ADGRL3: variants seen among roughly 807,000 people sequenced by gnomAD.
ADGRL3 encodes calcium-independent alpha-latrotoxin receptor 3.
A neutral mutation model predicts 153.5 loss-of-function variants in ADGRL3; 62 were observed. That is an observed-to-expected ratio of 0.40 (90% CI 0.33 to 0.50). ADGRL3 has a LOEUF of 0.50. Ranked by LOEUF, ADGRL3 falls within the 20% of genes least tolerant of loss-of-function variation. The pLI is 0.47. For synonymous variants in ADGRL3, 710 were observed against 672.5 expected (o/e 1.06, Z -0.86); for missense variants, 1,641 against 1,859.4 (o/e 0.88, Z 2.16).
chr4:61,914,162 A>G (rs1207335447), intron 13 of ADGRL3, among the ~76,000 whole-genome samples: 1 of 152,110 alleles, frequency 6.6e-6, no homozygotes, highest in Non-Finnish European at 1.5e-5. Flanking sequence ...TATACTGATC[A>G]CTTTGATTGG....
chr4:61,412,401 C>T (rs929160892), intron 2 of ADGRL3, among the ~76,000 whole-genome samples: 1 of 152,146 alleles, frequency 6.6e-6, no homozygotes, highest in South Asian at 2.1e-4. Flanking sequence ...ACACTCAATT[C>T]TTGGCCACAG....
At chr4:61,959,438 T>C (rs892412122) in intron 17 of ADGRL3, among the ~76,000 whole-genome samples, 1 of 152,164 alleles carries the variant, frequency 6.6e-6, no homozygotes. Flanking sequence ...TTTAGTTTGA[T>C]GATTGTATTT....
At chr4:61,836,999 T>C (rs1406603945) in intron 9 of ADGRL3, among the ~76,000 whole-genome samples, 1 of 152,110 alleles carries the variant, frequency 6.6e-6, no homozygotes, top group African/African-American at 2.4e-5. Flanking sequence ...ACATTGGTGT[T>C]TCATATAGGA....
chr4:61,253,166 G>T (rs1329874080), intron 1 of ADGRL3, among the ~76,000 whole-genome samples: 1 of 152,136 alleles, frequency 6.6e-6, no homozygotes, highest in Non-Finnish European at 1.5e-5. Context: ...TAGAAAATTG[G>T]TTGGAAGCTT....
intron 2 of ADGRL3, among the ~76,000 whole-genome samples, chr4:61,462,123 G>GCAT (rs1278836300): frequency 6.6e-6 from 1 of 152,066 alleles, no homozygotes; most frequent in Non-Finnish European, 1.5e-5. Flanking sequence ...TCCACTGAAT[G>GCAT]CATAAATGGA....
chr4:61,517,240 A>G, intron 3 of ADGRL3, 75 bp from the exon 4 acceptor site: 2 of 677,036 alleles, frequency 3.0e-6, no homozygotes, highest in Non-Finnish European at 5.4e-6. Context: ...CCTTGGGAAT[A>G]GCCTCTACCA....
At chr4:61,622,013 C>T (rs941759111) in intron 5 of ADGRL3, among the ~76,000 whole-genome samples, 2 of 152,104 alleles carry the variant, frequency 1.3e-5, no homozygotes, top group African/African-American at 4.8e-5. Flanking sequence ...AGCCTGCCTG[C>T]ATGTCGGTAG....
chr4:61,243,867 T>C (rs1400710177), intron 1 of ADGRL3, among the ~76,000 whole-genome samples: 2 of 152,176 alleles, frequency 1.3e-5, no homozygotes, highest in East Asian at 1.9e-4. Context: ...CATTGTGCAA[T>C]CTAATAAACC....
intron 8 of ADGRL3, among the ~76,000 whole-genome samples, chr4:61,738,838 C>T (rs531306145): frequency 2.0e-5 from 3 of 152,218 alleles, no homozygotes; most frequent in Non-Finnish European, 4.4e-5. Context: ...TTTCAATTGA[C>T]TTTTTAAACT....
intron 8 of ADGRL3, among the ~76,000 whole-genome samples, chr4:61,801,229 G>A (rs142190111): frequency 1.3e-5 from 2 of 152,230 alleles, no homozygotes; most frequent in South Asian, 2.1e-4. Flanking sequence ...AAACCATCAT[G>A]AAGGTGGAAG....
At chr4:61,832,291 G>A (rs1264423303) in intron 9 of ADGRL3, among the ~76,000 whole-genome samples, 1 of 152,158 alleles carries the variant, frequency 6.6e-6, no homozygotes, top group African/African-American at 2.4e-5. Context: ...GGACCTACAG[G>A]TTATGACTTA....
chr4:61,397,112 C>G (rs1481598077), intron 2 of ADGRL3, among the ~76,000 whole-genome samples: 1 of 151,696 alleles, frequency 6.6e-6, no homozygotes, highest in African/African-American at 2.4e-5. Flanking sequence ...AATATTTTAG[C>G]AAATATCATC....
chr4:61,977,006 G>A (rs1000905136), intron 17 of ADGRL3, among the ~76,000 whole-genome samples: 11 of 152,086 alleles, frequency 7.2e-5, no homozygotes, highest in South Asian at 2.1e-4. Flanking sequence ...TACTTAAAAG[G>A]TGAATTATTT....
intron 4 of ADGRL3, among the ~76,000 whole-genome samples, chr4:61,544,980 T>G (rs2098707038): frequency 6.6e-6 from 1 of 152,226 alleles, no homozygotes; most frequent in Admixed American, 6.5e-5. Flanking sequence ...AAATTCCTCT[T>G]TAAAAGTATA....
intron 1 of ADGRL3, among the ~76,000 whole-genome samples, chr4:61,256,444 GTT>G (rs1274254477): frequency 6.6e-6 from 1 of 151,890 alleles, no homozygotes; most frequent in Non-Finnish European, 1.5e-5. Flanking sequence ...AAAACGGTGA[GTT>G]TTTTTCTGAA....
At chr4:61,307,571 T>C (rs988360251) in intron 1 of ADGRL3, among the ~76,000 whole-genome samples, 13 of 152,214 alleles carry the variant, frequency 8.5e-5, no homozygotes, top group African/African-American at 1.4e-4. Context: ...ATTTTTAATA[T>C]GTTATTCACT....
intron 2 of ADGRL3, among the ~76,000 whole-genome samples, chr4:61,432,339 C>T (rs2097365099): frequency 6.6e-6 from 1 of 152,116 alleles, no homozygotes; most frequent in South Asian, 2.1e-4. Context: ...TTCTGCCATG[C>T]AGTTAGATTA....
chr4:61,290,913 T>C (rs2094152740), intron 1 of ADGRL3, among the ~76,000 whole-genome samples: 2 of 151,986 alleles, frequency 1.3e-5, no homozygotes, highest in Non-Finnish European at 2.9e-5. Context: ...ATACTATAAA[T>C]GCAAAATATT....
intron 2 of ADGRL3, among the ~76,000 whole-genome samples, chr4:61,390,713 G>T (rs1276487323): frequency 1.3e-5 from 2 of 152,030 alleles, no homozygotes; most frequent in Non-Finnish European, 2.9e-5. Flanking sequence ...GTTTTCTGTA[G>T]AAAATTCTAT....
Sources: gnomAD v4.1 joint callset for allele counts (sites outside exome capture counted in the v4.1 genomes callset) on GRCh38, gnomAD v4.1.1 for gene constraint, MANE v1.5 for transcripts, NCBI Gene and HGNC (gene_info 2026-07-23, HGNC 2026-07-21) for gene names.